Variants in LRRC28 observed in about 807,000 individuals in gnomAD.
The protein encoded by LRRC28 is leucine-rich repeat-containing protein 28.
Under a neutral mutation model 45.7 loss-of-function variants are expected in LRRC28, and 39 were observed. The observed-to-expected ratio is 0.85, with a 90% confidence interval of 0.66 to 1.12. The LOEUF (loss-of-function observed/expected upper bound fraction) is 1.12, where lower values mean the gene tolerates loss of function less well. Ranked by LOEUF, LRRC28 falls within the 50% of genes most tolerant of loss-of-function variation. The probability of loss-of-function intolerance (pLI) is 0.00; values close to 1 mark genes in which losing one functional copy is unlikely to be tolerated. For missense variants in LRRC28, 435 were observed against 438.5 expected (o/e 0.99, Z 0.07); for synonymous variants, 206 against 178.8 (o/e 1.15, Z -1.22).
chr15:99,305,553 A>G (rs1339115850), intron 5 of LRRC28, among the ~76,000 whole-genome samples: 1 of 152,196 alleles, frequency 6.6e-6, no homozygotes, highest in Non-Finnish European at 1.5e-5. Flanking sequence ...ATATCGCTAA[A>G]ACTAAAATTC....
intron 3 of LRRC28, among the ~76,000 whole-genome samples, chr15:99,281,933 T>C (rs971536943): frequency 1.3e-5 from 2 of 152,112 alleles, no homozygotes; most frequent in Non-Finnish European, 2.9e-5. Flanking sequence ...TTTCAGGTGC[T>C]TTTTGCCTGG....
At chr15:99,285,476 CAG>C (rs2081933033) in intron 3 of LRRC28, 1 of 905,472 alleles carries the variant, frequency 1.1e-6, no homozygotes, top group Admixed American at 1.8e-5. Flanking sequence ...CCCCATTGCT[CAG>C]AGTGACTCCT....
intron 1 of LRRC28, among the ~76,000 whole-genome samples, chr15:99,253,457 A>G (rs776965323): frequency 5.3e-5 from 8 of 152,104 alleles, no homozygotes; most frequent in Non-Finnish European, 1.0e-4. Context: ...CTGGAGAATG[A>G]TGGGACATTG....
chr15:99,354,063 C>A (rs961090005), intron 7 of LRRC28: 1 of 152,044 alleles, frequency 6.6e-6, no homozygotes, highest in African/African-American at 2.4e-5. Flanking sequence ...AAATTATTAA[C>A]AGGATAGTAT....
chr15:99,272,036 G>T (rs1269689266), intron 2 of LRRC28, among the ~76,000 whole-genome samples: 3 of 152,114 alleles, frequency 2.0e-5, no homozygotes, highest in East Asian at 3.9e-4. Context: ...TTAAGTTGTT[G>T]ATCCATTTTG....
intron 3 of LRRC28, among the ~76,000 whole-genome samples, chr15:99,278,604 T>C (rs976789993): frequency 2.0e-5 from 3 of 152,262 alleles, no homozygotes; most frequent in Non-Finnish European, 4.4e-5. Flanking sequence ...TTAAGAAAGA[T>C]GCTGGCTTTA....
intron 2 of LRRC28, among the ~76,000 whole-genome samples, chr15:99,272,124 A>C (rs556976960): frequency 1.3e-5 from 2 of 152,324 alleles, no homozygotes; most frequent in African/African-American, 2.4e-5. Context: ...CTTGTATAAC[A>C]ACCCAAATGC....
At chr15:99,328,591 C>T (rs549084580) in intron 5 of LRRC28, among the ~76,000 whole-genome samples, 1 of 151,264 alleles carries the variant, frequency 6.6e-6, no homozygotes, top group Admixed American at 6.6e-5. Flanking sequence ...CTTGATAAAG[C>T]ATTATTTTGG....
At chr15:99,306,887 T>C (rs1304677147) in intron 5 of LRRC28, among the ~76,000 whole-genome samples, 1 of 152,232 alleles carries the variant, frequency 6.6e-6, no homozygotes, top group Non-Finnish European at 1.5e-5. Flanking sequence ...TGTTTCCTTC[T>C]TGCTGGTGCG....
chr15:99,299,084 A>G (rs1395736152), intron 5 of LRRC28, among the ~76,000 whole-genome samples: 4 of 152,220 alleles, frequency 2.6e-5, no homozygotes, highest in African/African-American at 7.2e-5. Flanking sequence ...ACCGTTTGCT[A>G]TCTTGGCAAA....
At chr15:99,289,802 G>A (rs1020558178) in intron 5 of LRRC28, among the ~76,000 whole-genome samples, 12 of 149,460 alleles carry the variant, frequency 8.0e-5, no homozygotes, top group African/African-American at 2.2e-4. Context: ...GCGCGGTGGC[G>A]GGCGCCTGTA....
intron 2 of LRRC28, among the ~76,000 whole-genome samples, chr15:99,263,318 C>CAA (rs34133374): frequency 3.7e-4 from 26 of 70,476 alleles, no homozygotes; most frequent in Admixed American, 4.5e-4. Context: ...GACCCTGTCT[C>CAA]AAAAAAAAAA....
intron 5 of LRRC28, among the ~76,000 whole-genome samples, chr15:99,306,059 T>G (rs1183811261): frequency 6.6e-6 from 1 of 152,250 alleles, no homozygotes; most frequent in East Asian, 1.9e-4. Flanking sequence ...TTCATTTAAT[T>G]ATTTCTTAGT....
At chr15:99,363,688 GCACA>G (rs138266356) in intron 9 of LRRC28, among the ~76,000 whole-genome samples, 1 of 152,056 alleles carries the variant, frequency 6.6e-6, no homozygotes, top group African/African-American at 2.4e-5. Context: ...GTGTGCATGC[GCACA>G]CACACACATT....
intron 6 of LRRC28, among the ~76,000 whole-genome samples, chr15:99,351,754 A>T (rs987104679): frequency 1.3e-5 from 2 of 152,228 alleles, no homozygotes; most frequent in African/African-American, 2.4e-5. Flanking sequence ...TTGTTAAAGC[A>T]TAGTAAGGAA....
At chr15:99,274,922 G>A (rs2152169484) in intron 2 of LRRC28, among the ~76,000 whole-genome samples, 1 of 151,956 alleles carries the variant, frequency 6.6e-6, no homozygotes, top group African/African-American at 2.4e-5. Context: ...TTGGAACTCG[G>A]GTCAGACCTA....
At chr15:99,292,686 C>T (rs78514673) in intron 5 of LRRC28, among the ~76,000 whole-genome samples, 8,112 of 152,256 alleles carry the variant, frequency 0.053, 284 homozygotes, top group Admixed American at 0.11. Flanking sequence ...TCTATACCTA[C>T]GAATCCTCTG....
At chr15:99,334,649 A>G (rs1409567388) in intron 6 of LRRC28, among the ~76,000 whole-genome samples, 1 of 152,174 alleles carries the variant, frequency 6.6e-6, no homozygotes, top group Non-Finnish European at 1.5e-5. Context: ...TATATTATCC[A>G]CTGTAGAGTT....
intron 9 of LRRC28, among the ~76,000 whole-genome samples, chr15:99,372,997 G>A (rs1383252823): frequency 2.7e-5 from 4 of 150,750 alleles, no homozygotes; most frequent in South Asian, 2.1e-4. Context: ...TCACTATCAC[G>A]CAAACAGGAG....
Sources: gnomAD v4.1 joint callset for allele counts (sites outside exome capture counted in the v4.1 genomes callset) on GRCh38, gnomAD v4.1.1 for gene constraint, MANE v1.5 for transcripts, NCBI Gene and HGNC (gene_info 2026-07-23, HGNC 2026-07-21) for gene names.